The following ABCC4 variants were observed in gnomAD, a reference collection of about 807,000 sequenced individuals.
ABCC4 encodes ATP binding cassette subfamily C member 4 (PEL blood group).
In ABCC4, 102 loss-of-function variants were observed where a neutral mutation model predicts 168.5. The ratio of observed to expected loss-of-function variants is 0.61; its 90% CI spans 0.52 to 0.71. ABCC4 has a LOEUF of 0.71. ABCC4 is among the 30% of genes least tolerant of loss of function. The pLI is 0.00. For synonymous variants in ABCC4, 617 were observed against 590.7 expected (o/e 1.04, Z -0.65); for missense variants, 1,402 against 1,605.8 (o/e 0.87, Z 2.17).
rs371213419 is a variant in ABCC4 at position 95,032,913 on chromosome 13, C to T, written c.3870+1692G>A. Among the ~76,000 whole-genome samples, 27 of 150,206 alleles carry T rather than the reference C, an allele frequency of 1.8e-4. 1 individual carries two copies. In the East Asian group the frequency reaches 2.4e-3, roughly 13 times the overall value. ...TCTTGACCTTGTGATCCACCCGCCT[C>T]GGCCTCCCAAACAAAGTGCTGGGGT... On this transcript the variant is annotated intron_variant, in intron 30 of 30. Coordinates refer to ENST00000645237, the MANE Select transcript of ABCC4 (RefSeq NM_005845.5).
At chr13:95,073,586 G>T (rs2033803135) in intron 23 of ABCC4, 2 of 252,336 alleles carry the variant, frequency 7.9e-6, no homozygotes, top group Non-Finnish European at 1.5e-5. Flanking sequence ...TCATTATTCA[G>T]ACATTCATTA....
At chr13:95,207,320 G>A (rs777230497) in intron 7 of ABCC4, among the ~76,000 whole-genome samples, 15 of 152,146 alleles carry the variant, frequency 9.9e-5, no homozygotes, top group Admixed American at 1.3e-4. Flanking sequence ...GAGCCACTGC[G>A]CCCAGCCCCC....
chr13:95,253,021 CT>C (rs2040305215), intron 1 of ABCC4, among the ~76,000 whole-genome samples: 1 of 152,328 alleles, frequency 6.6e-6, no homozygotes, highest in South Asian at 2.1e-4. Flanking sequence ...ATCTTGGTAT[CT>C]TTAAATCTGA....
At chr13:95,114,346 C>T (rs2035301705) in intron 20 of ABCC4, among the ~76,000 whole-genome samples, 1 of 152,184 alleles carries the variant, frequency 6.6e-6, no homozygotes, top group Non-Finnish European at 1.5e-5. Flanking sequence ...CTGCTAAGCA[C>T]ATAGTGGGCC....
intron 26 of ABCC4, among the ~76,000 whole-genome samples, chr13:95,056,608 A>G (rs138433623): frequency 6.6e-6 from 1 of 151,766 alleles, no homozygotes; most frequent in African/African-American, 2.4e-5. Flanking sequence ...GTAACTGCAT[A>G]CCTACCTCTT....
chr13:95,022,304 G>C (rs1328786310), intron 30 of ABCC4, among the ~76,000 whole-genome samples: 2 of 152,164 alleles, frequency 1.3e-5, no homozygotes, highest in Admixed American at 1.3e-4. Flanking sequence ...TAAAATGTAA[G>C]ATGATACCAA....
At chr13:95,253,057 T>C (rs1242722462) in intron 1 of ABCC4, among the ~76,000 whole-genome samples, 2 of 152,188 alleles carry the variant, frequency 1.3e-5, no homozygotes, top group Admixed American at 6.5e-5. Flanking sequence ...TCATTCAGTT[T>C]CCACTGTTCT....
intron 4 of ABCC4, among the ~76,000 whole-genome samples, chr13:95,215,205 G>A (rs1285139595): frequency 6.6e-6 from 1 of 152,102 alleles, no homozygotes; most frequent in African/African-American, 2.4e-5. Flanking sequence ...CAAATTGCTT[G>A]AGCTCAGGAG....
At chr13:95,203,213 A>C (rs915710946) in intron 8 of ABCC4, among the ~76,000 whole-genome samples, 1 of 151,968 alleles carries the variant, frequency 6.6e-6, no homozygotes, top group African/African-American at 2.4e-5. Context: ...CTTAATCTTC[A>C]TTTATCTCAT....
intron 4 of ABCC4, among the ~76,000 whole-genome samples, chr13:95,214,261 G>GT (rs2039048983): frequency 6.6e-6 from 1 of 152,012 alleles, no homozygotes; most frequent in East Asian, 1.9e-4. Flanking sequence ...GAAAAAAAGA[G>GT]TTAAGAAAAA....
intron 1 of ABCC4, among the ~76,000 whole-genome samples, chr13:95,281,786 T>C (rs902868243): frequency 5.3e-5 from 8 of 151,844 alleles, no homozygotes; most frequent in Admixed American, 5.3e-4. Context: ...GGCTGTAATA[T>C]AGTCTGCTCA....
chr13:95,162,213 C>A (rs1205733506), intron 18 of ABCC4, among the ~76,000 whole-genome samples: 1 of 152,210 alleles, frequency 6.6e-6, no homozygotes, highest in Non-Finnish European at 1.5e-5. Flanking sequence ...AGATTTCCTT[C>A]TTCCTTTAGT....
chr13:95,182,585 T>A (rs2037932953), intron 11 of ABCC4, among the ~76,000 whole-genome samples: 2 of 152,248 alleles, frequency 1.3e-5, no homozygotes, highest in South Asian at 4.1e-4. Context: ...GTGGCTCTTA[T>A]AATTAAGAAG....
intron 20 of ABCC4, among the ~76,000 whole-genome samples, chr13:95,108,249 G>T (rs911782931): frequency 6.6e-6 from 1 of 152,120 alleles, no homozygotes; most frequent in Non-Finnish European, 1.5e-5. Flanking sequence ...AATATCATAG[G>T]CTCATATTAA....
At chr13:95,064,050 A>G (rs1283676906) in intron 25 of ABCC4, among the ~76,000 whole-genome samples, 1 of 152,150 alleles carries the variant, frequency 6.6e-6, no homozygotes, top group African/African-American at 2.4e-5. Flanking sequence ...GAACACCTCC[A>G]TATCTGTAAA....
At chr13:95,196,590 A>G (rs9524824) in intron 8 of ABCC4, among the ~76,000 whole-genome samples, 3,097 of 8,648 alleles carry the variant, frequency 0.36, 216 homozygotes, top group Middle Eastern at 0.5. Context: ...AGGAGGAAGG[A>G]AGGAAGGAAG....
chr13:95,021,926 T>C (rs1395232804), intron 30 of ABCC4, among the ~76,000 whole-genome samples: 1 of 152,218 alleles, frequency 6.6e-6, no homozygotes, highest in African/African-American at 2.4e-5. Context: ...CTCTGATTCA[T>C]AGATATGTTT....
intron 4 of ABCC4, among the ~76,000 whole-genome samples, chr13:95,230,108 T>C (rs755228186): frequency 6.6e-6 from 1 of 152,246 alleles, no homozygotes; most frequent in Non-Finnish European, 1.5e-5. Context: ...CAGCACACTA[T>C]TGCCATGAGG....
intron 11 of ABCC4, among the ~76,000 whole-genome samples, chr13:95,178,362 C>T (rs1296180361): frequency 6.6e-6 from 1 of 152,192 alleles, no homozygotes; most frequent in Non-Finnish European, 1.5e-5. Context: ...ATTTTTTGAG[C>T]AGCAACTCCT....
Sources: allele counts gnomAD v4.1 joint callset (sites outside exome capture counted in the v4.1 genomes callset), GRCh38; gene constraint gnomAD v4.1.1; transcripts MANE v1.5; gene names NCBI Gene and HGNC (gene_info 2026-07-23, HGNC 2026-07-21).